TRAPPC10: variants seen among roughly 807,000 people sequenced by gnomAD.
The protein encoded by TRAPPC10 is trafficking protein particle complex subunit 10.
TRAPPC10 carries 23 observed loss-of-function variants against 125.5 expected under a neutral mutation model. That is an observed-to-expected ratio of 0.18 (90% CI 0.13 to 0.26). The LOEUF is 0.26. Ranked by LOEUF, TRAPPC10 falls within the 10% of genes least tolerant of loss-of-function variation. The pLI is 1.00. For synonymous variants in TRAPPC10, 509 were observed against 518.0 expected (o/e 0.98, Z 0.24); for missense variants, 1,123 against 1,308.4 (o/e 0.86, Z 2.19).
chr21:44,018,037 A>G (rs1171318154), intron 1 of TRAPPC10, among the ~76,000 whole-genome samples: 1 of 152,134 alleles, frequency 6.6e-6, no homozygotes, highest in Non-Finnish European at 1.5e-5. Context: ...TTAGAATTGA[A>G]AAGCTTCCTT....
At chr21:44,031,410 G>A (rs1418257546) in intron 1 of TRAPPC10, among the ~76,000 whole-genome samples, 1 of 152,204 alleles carries the variant, frequency 6.6e-6, no homozygotes, top group Non-Finnish European at 1.5e-5. Flanking sequence ...TTAAAGCAAA[G>A]ATAAAAGCTG....
At chr21:44,093,567 G>A (rs2038727477) in intron 19 of TRAPPC10, among the ~76,000 whole-genome samples, 1 of 152,144 alleles carries the variant, frequency 6.6e-6, no homozygotes, top group South Asian at 2.1e-4. Flanking sequence ...AGACCAGCCT[G>A]GGCAACACGG....
intron 14 of TRAPPC10, 135 bp downstream of exon 14, chr21:44,083,437 A>C (rs577783646): frequency 1.1e-6 from 1 of 926,078 alleles, no homozygotes; most frequent in African/African-American, 1.7e-5. Flanking sequence ...CTCTGTCCTT[A>C]TACAAAAATA....
At chr21:44,069,143 T>C (rs1275111838) in intron 7 of TRAPPC10, among the ~76,000 whole-genome samples, 1 of 152,150 alleles carries the variant, frequency 6.6e-6, no homozygotes. Context: ...ACCTTTATGG[T>C]TATGCACCAG....
chr21:44,050,803 A>G (rs1196749168), intron 3 of TRAPPC10, among the ~76,000 whole-genome samples: 2 of 152,264 alleles, frequency 1.3e-5, no homozygotes, highest in African/African-American at 4.8e-5. Flanking sequence ...AAATCAGGAC[A>G]TAGCAGTTTT....
intron 2 of TRAPPC10, 112 bp downstream of exon 2, chr21:44,032,284 C>T (rs547173213): frequency 2.4e-6 from 2 of 827,224 alleles, no homozygotes; most frequent in South Asian, 3.6e-5. Flanking sequence ...AGTGAAGTAG[C>T]ACAAGTTAAA....
At chr21:44,047,468 T>C (rs943514210) in intron 3 of TRAPPC10, among the ~76,000 whole-genome samples, 3 of 152,156 alleles carry the variant, frequency 2.0e-5, no homozygotes, top group Non-Finnish European at 4.4e-5. Context: ...CATGGCCTGA[T>C]GTAGAACATT....
At chr21:44,039,368 G>T (rs534299742) in intron 3 of TRAPPC10, among the ~76,000 whole-genome samples, 1 of 152,200 alleles carries the variant, frequency 6.6e-6, no homozygotes, top group Admixed American at 6.5e-5. Flanking sequence ...CTTCAGACTG[G>T]CACCTGTGTT....
chr21:44,035,903 G>A (rs2033948865), intron 2 of TRAPPC10, among the ~76,000 whole-genome samples: 3 of 152,206 alleles, frequency 2.0e-5, no homozygotes, highest in Non-Finnish European at 4.4e-5. Context: ...CTAAACAGCT[G>A]TATAGCTGAA....
intron 2 of TRAPPC10, among the ~76,000 whole-genome samples, chr21:44,036,676 G>A (rs1309883444): frequency 6.6e-6 from 1 of 152,154 alleles, no homozygotes; most frequent in Non-Finnish European, 1.5e-5. Context: ...ATCCCAATAC[G>A]AAGGCAGATG....
intron 9 of TRAPPC10, among the ~76,000 whole-genome samples, chr21:44,075,867 T>C (rs1239382930): frequency 6.6e-6 from 1 of 152,152 alleles, no homozygotes; most frequent in African/African-American, 2.4e-5. Flanking sequence ...CTGACCAACA[T>C]GGAGAAACCC....
chr21:44,069,303 G>T (rs1400529595), intron 7 of TRAPPC10, among the ~76,000 whole-genome samples: 1 of 152,104 alleles, frequency 6.6e-6, no homozygotes, highest in Non-Finnish European at 1.5e-5. Flanking sequence ...ACTCCAGGGC[G>T]TACTGTGAAG....
chr21:44,046,313 T>C (rs1386728739), intron 3 of TRAPPC10: 1 of 255,776 alleles, frequency 3.9e-6, no homozygotes, highest in Non-Finnish European at 8.6e-6. Context: ...GTAGAGTATT[T>C]AGAGTCCTGA....
chr21:44,070,491 C>G, intron 7 of TRAPPC10, among the ~76,000 whole-genome samples: 1 of 152,326 alleles, frequency 6.6e-6, no homozygotes, highest in South Asian at 2.1e-4. Flanking sequence ...CAGTCTCAGG[C>G]TCTCAGGGCA....
At position 44,063,386 on chromosome 21, in the gene TRAPPC10, G is replaced by A. The variant is rs922714501; in HGVS notation, c.791-152G>A. ...AGCTCGGCTGTCAGTGCTGGGAGCCGAATGCATCACTAGACCACAGGGGGT... is the reference window on the plus strand; with the variant it reads ...AGCTCGGCTGTCAGTGCTGGGAGCCAAATGCATCACTAGACCACAGGGGGT... On this transcript the variant is annotated intron_variant, in intron 6 of 22. Coordinates refer to ENST00000291574, the MANE Select transcript of TRAPPC10 (RefSeq NM_003274.5). The surrounding 1 kb of genome is among the most constrained non-coding windows in gnomAD (Gnocchi z 4.4). 1.6e-6 allele frequency: 2 copies of A among 1,254,544 alleles called. No homozygotes were observed. Among genetic ancestry groups the A allele is most frequent in the African/African-American group, 1.5e-5 (1 of 66,768 alleles). The allele number at this position is 1,254,544 out of a possible 1,614,324, so 77.7% of individuals were successfully genotyped here.
chr21:44,086,474 C>A (rs991086186), intron 15 of TRAPPC10, among the ~76,000 whole-genome samples: 2 of 152,246 alleles, frequency 1.3e-5, no homozygotes, highest in African/African-American at 4.8e-5. Context: ...TGATTCTCTT[C>A]TACTACTAAT....
At chr21:44,037,977 G>A (rs775886948) in intron 3 of TRAPPC10, 50 bp downstream of exon 3, 3 of 1,597,602 alleles carry the variant, frequency 1.9e-6, no homozygotes, top group Admixed American at 3.4e-5. Flanking sequence ...GGTTGGAGAT[G>A]CGTGGAGAGT....
At chr21:44,025,146 T>C (rs1262933122) in intron 1 of TRAPPC10, among the ~76,000 whole-genome samples, 1 of 152,234 alleles carries the variant, frequency 6.6e-6, no homozygotes, top group Non-Finnish European at 1.5e-5. Flanking sequence ...CCTGTTGGGA[T>C]GGAGCCCTGC....
At chr21:44,054,288 A>G (rs565124450) in intron 4 of TRAPPC10, among the ~76,000 whole-genome samples, 3 of 152,296 alleles carry the variant, frequency 2.0e-5, no homozygotes, top group Admixed American at 6.5e-5. Flanking sequence ...CCACCAAGTT[A>G]TAAGTTTTCT....
Sources: gnomAD v4.1 joint callset for allele counts (sites outside exome capture counted in the v4.1 genomes callset) on GRCh38, gnomAD v4.1.1 for gene constraint, Gnocchi (gnomAD v3.1) non-coding constraint, MANE v1.5 for transcripts, NCBI Gene and HGNC (gene_info 2026-07-23, HGNC 2026-07-21) for gene names.